Variants in INSL6 observed in about 807,000 individuals in gnomAD.
INSL6 encodes the protein insulin-like peptide INSL6.
In INSL6, 16 loss-of-function variants were observed where a neutral mutation model predicts 9.4. The ratio of observed to expected loss-of-function variants is 1.70; its 90% CI spans 1.15 to 2.59. The LOEUF (loss-of-function observed/expected upper bound fraction) is 2.59. Among genes scored for constraint, INSL6 ranks in the 30% most tolerant of loss-of-function variants. The probability of loss-of-function intolerance (pLI) is 0.00; values close to 1 mark genes in which losing one functional copy is unlikely to be tolerated. For synonymous variants in INSL6, 154 were observed against 96.9 expected (o/e 1.59, Z -3.46); for missense variants, 391 against 257.3 (o/e 1.52, Z -3.56).
chr9:5,115,243 G>A, the INSL6 span, among the ~76,000 whole-genome samples: 13 of 152,148 alleles, frequency 8.5e-5, no homozygotes, highest in African/African-American at 2.7e-4. Flanking sequence ...ATCAAAAAGT[G>A]GGTAAAGGAT....
At chr9:5,017,342 C>T in the INSL6 span, among the ~76,000 whole-genome samples, 1 of 152,200 alleles carries the variant, frequency 6.6e-6, no homozygotes, top group Non-Finnish European at 1.5e-5. Context: ...AATCCAAAGT[C>T]AGTGGTGGGC....
the INSL6 span, chr9:5,094,705 A>G: frequency 4.6e-5 from 7 of 152,282 alleles, no homozygotes; most frequent in African/African-American, 1.2e-4. Flanking sequence ...TCAGGCTTCA[A>G]TGTCGAATAT....
At chr9:5,125,267 T>G (rs1823900773) in intron 3 of INSL6, among the ~76,000 whole-genome samples, 1 of 151,042 alleles carries the variant, frequency 6.6e-6, no homozygotes, top group African/African-American at 2.4e-5. Context: ...TAAATATATA[T>G]TATTTTATAA....
chr9:5,154,346 G>A (rs1262177870), intron 2 of INSL6, among the ~76,000 whole-genome samples: 1 of 152,164 alleles, frequency 6.6e-6, no homozygotes, highest in Non-Finnish European at 1.5e-5. Context: ...AGACTTAAAT[G>A]TTAGACCTAA....
the INSL6 span, among the ~76,000 whole-genome samples, chr9:4,997,132 G>T: frequency 1.3e-5 from 2 of 151,596 alleles, no homozygotes; most frequent in Non-Finnish European, 2.9e-5. Flanking sequence ...GGGTTTCACC[G>T]TGTCACTCAG....
At chr9:5,007,025 T>C in the INSL6 span, among the ~76,000 whole-genome samples, 1 of 152,304 alleles carries the variant, frequency 6.6e-6, no homozygotes, top group Admixed American at 6.5e-5. Flanking sequence ...CTTCTTTTTT[T>C]CTTGATCAGT....
chr9:5,107,930 T>C, the INSL6 span: 1 of 152,174 alleles, frequency 6.6e-6, no homozygotes, highest in African/African-American at 2.4e-5. Context: ...ACTTCAGTGC[T>C]AAAAATTATT....
chr9:5,131,624 G>C (rs985102418), intron 3 of INSL6, among the ~76,000 whole-genome samples: 2 of 151,874 alleles, frequency 1.3e-5, no homozygotes, highest in Non-Finnish European at 2.9e-5. Flanking sequence ...TTTACTAGTA[G>C]AGACAGGGTT....
chr9:5,085,613 C>A, the INSL6 span: 1 of 701,750 alleles, frequency 1.4e-6, no homozygotes. Context: ...AGAATTAAAT[C>A]TCCAGCAAGG....
downstream of INSL6, among the ~76,000 whole-genome samples, chr9:5,123,548 CCACTGA>C (rs1181909393): frequency 6.6e-6 from 1 of 151,802 alleles, no homozygotes; most frequent in Non-Finnish European, 1.5e-5. Flanking sequence ...ATCCAGTCAT[CCACTGA>C]TGGACACTTA....
At chr9:5,107,846 GC>G in the INSL6 span, 2 of 152,076 alleles carry the variant, frequency 1.3e-5, no homozygotes, top group African/African-American at 4.8e-5. Flanking sequence ...TGCCTGTGAA[GC>G]CGCAGTGGGC....
chr9:5,031,476 G>C, the INSL6 span, among the ~76,000 whole-genome samples: 4 of 152,158 alleles, frequency 2.6e-5, no homozygotes, highest in Non-Finnish European at 4.4e-5. Flanking sequence ...GGAAGGGAGA[G>C]ATTAGTCAAC....
the INSL6 span, among the ~76,000 whole-genome samples, chr9:5,059,627 A>G: frequency 5.3e-5 from 8 of 152,286 alleles, no homozygotes; most frequent in African/African-American, 1.9e-4. Flanking sequence ...ATACTGCCAA[A>G]CAATTTTTTG....
chr9:5,103,235 A>G, the INSL6 span, among the ~76,000 whole-genome samples: 1 of 140,942 alleles, frequency 7.1e-6, no homozygotes, highest in Non-Finnish European at 1.5e-5. Context: ...AAAAAAAAAA[A>G]AAAAAAAAAA....
chr9:5,052,533 A>C, the INSL6 span, among the ~76,000 whole-genome samples: 1 of 152,150 alleles, frequency 6.6e-6, no homozygotes, highest in Non-Finnish European at 1.5e-5. Flanking sequence ...TAAAATATAC[A>C]ATTTAATATT....
At chr9:5,163,374 C>T (rs1198209618), downstream of INSL6, among the ~76,000 whole-genome samples, 2 of 152,160 alleles carry the variant, frequency 1.3e-5, no homozygotes, top group African/African-American at 4.8e-5. Context: ...ATTCACTAAA[C>T]TCTCTTTTAA....
intron 2 of INSL6, among the ~76,000 whole-genome samples, chr9:5,147,405 T>G (rs1446429215): frequency 6.6e-6 from 1 of 152,140 alleles, no homozygotes; most frequent in Non-Finnish European, 1.5e-5. Context: ...GCAAGGAAGG[T>G]TCTGCTGCAG....
intron 2 of INSL6, among the ~76,000 whole-genome samples, chr9:5,141,877 T>C (rs1824507733): frequency 6.6e-6 from 1 of 152,208 alleles, no homozygotes; most frequent in Non-Finnish European, 1.5e-5. Flanking sequence ...ATTTAATCCA[T>C]TTTGTGTTAA....
the INSL6 span, among the ~76,000 whole-genome samples, chr9:5,088,903 T>G: frequency 6.6e-6 from 1 of 152,118 alleles, no homozygotes; most frequent in South Asian, 2.1e-4. Context: ...TACAGTCATA[T>G]TGGGGGTTAA....
Sources: gnomAD v4.1 joint callset for allele counts (sites outside exome capture counted in the v4.1 genomes callset) on GRCh38, gnomAD v4.1.1 for gene constraint, MANE v1.5 for transcripts, NCBI Gene and HGNC (gene_info 2026-07-23, HGNC 2026-07-21) for gene names.